The following ATG10 variants were observed in gnomAD, a reference collection of about 807,000 sequenced individuals.
The protein encoded by ATG10 is autophagy related 10, also known as ubiquitin-like-conjugating enzyme ATG10.
ATG10 carries 30 observed loss-of-function variants against 32.1 expected under a neutral mutation model. The ratio of observed to expected loss-of-function variants is 0.94; its 90% CI spans 0.70 to 1.27. ATG10 has a LOEUF of 1.27. Ranked by LOEUF, ATG10 falls within the 50% of genes most tolerant of loss-of-function variation. The pLI is 0.00. For missense variants in ATG10, 233 were observed against 262.3 expected (o/e 0.89, Z 0.77); for synonymous variants, 87 against 91.5 (o/e 0.95, Z 0.28).
In ATG10 at chr5:82,075,073, TC is replaced by T. The variant is rs536382946; in HGVS notation, c.216+16472del. 7.2e-5 allele frequency among the ~76,000 whole-genome samples: 11 copies of T among 152,278 alleles called. No individual in the cohort carries two copies. In the East Asian group the frequency reaches 2.1e-3, roughly 29 times the overall value. On this transcript the variant is annotated intron_variant, in intron 3 of 7. Transcript: ENST00000282185. ...TGTGGACCTAAGATGCTTTGTTTTA[TC>T]TCTTGCTTTCTGTTTCTGAGTTGGA...
intron 3 of ATG10, among the ~76,000 whole-genome samples, chr5:82,129,728 G>C (rs115116703): frequency 2.8e-4 from 42 of 152,160 alleles, no homozygotes; most frequent in African/African-American, 1.0e-3. Context: ...TTCATCCCAG[G>C]GGGGCATCTG....
At chr5:82,175,471 A>AT (rs1175804622) in intron 4 of ATG10, among the ~76,000 whole-genome samples, 1 of 152,194 alleles carries the variant, frequency 6.6e-6, no homozygotes, top group Non-Finnish European at 1.5e-5. Flanking sequence ...GGTGATGAAA[A>AT]TGTTCTAAAA....
intron 3 of ATG10, among the ~76,000 whole-genome samples, chr5:82,104,368 A>G (rs1242160969): frequency 3.3e-5 from 5 of 152,112 alleles, no homozygotes; most frequent in African/African-American, 1.2e-4. Context: ...GGTGAACTCC[A>G]TACTGGAATT....
chr5:81,976,158 G>C (rs1053970434), intron 1 of ATG10: 2 of 149,634 alleles, frequency 1.3e-5, no homozygotes, highest in African/African-American at 5.0e-5. Flanking sequence ...CCGCCACCTT[G>C]CCCGGCTAAT....
chr5:81,975,261 C>G (rs562779346), intron 1 of ATG10, among the ~76,000 whole-genome samples: 1 of 152,226 alleles, frequency 6.6e-6, no homozygotes, highest in South Asian at 2.1e-4. Context: ...CTCTGATGTT[C>G]TTTTCAATGT....
chr5:82,084,540 C>T (rs1346908073), intron 3 of ATG10, among the ~76,000 whole-genome samples: 1 of 152,032 alleles, frequency 6.6e-6, no homozygotes, highest in Admixed American at 6.5e-5. Context: ...TCAGATTCAC[C>T]AAAGTTGAAA....
intron 1 of ATG10, among the ~76,000 whole-genome samples, chr5:81,984,619 G>C (rs1175440410): frequency 6.6e-6 from 1 of 152,176 alleles, no homozygotes; most frequent in Non-Finnish European, 1.5e-5. Context: ...GATTATTCTT[G>C]CCATTATTGC....
At chr5:82,011,844 A>G (rs1762136266) in intron 2 of ATG10, among the ~76,000 whole-genome samples, 1 of 152,118 alleles carries the variant, frequency 6.6e-6, no homozygotes. Context: ...CTTCCCCTAC[A>G]CATGTGAGTG....
intron 2 of ATG10, among the ~76,000 whole-genome samples, chr5:82,013,093 T>G (rs1171769127): frequency 6.6e-6 from 1 of 151,900 alleles, no homozygotes; most frequent in Middle Eastern, 3.2e-3. Context: ...TCCCGAGTAG[T>G]TGGGACTACA....
chr5:82,200,237 C>T (rs1464163483), intron 5 of ATG10, among the ~76,000 whole-genome samples: 1 of 152,036 alleles, frequency 6.6e-6, no homozygotes, highest in Non-Finnish European at 1.5e-5. Flanking sequence ...TATACTCCCA[C>T]TAGCAATTTC....
At chr5:82,038,882 C>G (rs1232857266) in intron 2 of ATG10, among the ~76,000 whole-genome samples, 3 of 152,208 alleles carry the variant, frequency 2.0e-5, no homozygotes, top group African/African-American at 7.2e-5. Flanking sequence ...GAATCTTGCT[C>G]TGTCGCCCAG....
At chr5:82,114,330 GA>G (rs886781568) in intron 3 of ATG10, among the ~76,000 whole-genome samples, 23 of 152,104 alleles carry the variant, frequency 1.5e-4, no homozygotes, top group African/African-American at 5.5e-4. Flanking sequence ...TAGAAGTGGA[GA>G]AAGGGGAGAG....
At chr5:82,125,222 C>T (rs1252160737) in intron 3 of ATG10, among the ~76,000 whole-genome samples, 2 of 152,122 alleles carry the variant, frequency 1.3e-5, no homozygotes, top group East Asian at 3.9e-4. Flanking sequence ...AAAATTTTCT[C>T]CCATTCTGTA....
At chr5:81,999,820 C>T (rs1761797826) in intron 2 of ATG10, among the ~76,000 whole-genome samples, 1 of 152,078 alleles carries the variant, frequency 6.6e-6, no homozygotes, top group Non-Finnish European at 1.5e-5. Context: ...CATACGACTT[C>T]CCAAGACTGA....
At position 82,000,541 on chromosome 5, in the gene ATG10, A is replaced by G. The variant is rs374276487; in HGVS notation, c.108+12863A>G. Among the ~76,000 whole-genome samples the G allele has an allele frequency of 2.5e-4, 38 of 152,374 alleles. 1 individual carries two copies. The South Asian group carries it at 5.8e-3, about 23-fold the overall frequency. ...GAAGTTGAACTATTGCTGTTTGTAG[A>G]TAATATGATTCTATACCAAGAAAAC... On this transcript the variant is annotated intron_variant, in intron 2 of 7. Coordinates refer to ENST00000282185, the MANE Select transcript of ATG10 (RefSeq NM_031482.5).
chr5:82,063,605 G>A (rs1045216869), intron 3 of ATG10, among the ~76,000 whole-genome samples: 10 of 151,638 alleles, frequency 6.6e-5, no homozygotes, highest in Middle Eastern at 3.4e-3. Context: ...TGATTCTCCC[G>A]CCTCAGCCTC....
At chr5:82,191,954 T>C (rs1744678320) in intron 5 of ATG10, among the ~76,000 whole-genome samples, 1 of 152,212 alleles carries the variant, frequency 6.6e-6, no homozygotes, top group Admixed American at 6.5e-5. Flanking sequence ...GGAAAGCTAA[T>C]ACACAGTTCT....
chr5:82,065,236 A>T (rs904269601), intron 3 of ATG10, among the ~76,000 whole-genome samples: 7 of 152,276 alleles, frequency 4.6e-5, no homozygotes, highest in African/African-American at 1.7e-4. Context: ...CTGTAATCCC[A>T]GCACTTTGGG....
At chr5:82,191,358 G>A (rs1424897240) in intron 5 of ATG10, among the ~76,000 whole-genome samples, 2 of 152,198 alleles carry the variant, frequency 1.3e-5, no homozygotes, top group African/African-American at 4.8e-5. Context: ...GTCTGTGGGA[G>A]TACCTGCCAG....
Sources: allele counts gnomAD v4.1 joint callset (sites outside exome capture counted in the v4.1 genomes callset), GRCh38; gene constraint gnomAD v4.1.1; transcripts MANE v1.5; gene names NCBI Gene and HGNC (gene_info 2026-07-23, HGNC 2026-07-21).